Variants in MAGI2 observed in about 807,000 individuals in gnomAD.
MAGI2 encodes membrane-associated guanylate kinase, WW and PDZ domain-containing protein 2.
A neutral mutation model predicts 133.3 loss-of-function variants in MAGI2; 35 were observed. The observed-to-expected ratio is 0.26, with a 90% CI of 0.20 to 0.35. The LOEUF (loss-of-function observed/expected upper bound fraction) is 0.35. Among genes scored for constraint, MAGI2 ranks in the 10% least tolerant of loss-of-function variants. MAGI2 has a pLI of 1.00. For missense variants in MAGI2, 1,636 were observed against 1,863.4 expected (o/e 0.88, Z 2.25); for synonymous variants, 729 against 710.6 (o/e 1.03, Z -0.41).
chr7:79,367,875 A>ATATATATATATGTGTG (rs1342246318), intron 1 of MAGI2, among the ~76,000 whole-genome samples: 23 of 122,084 alleles, frequency 1.9e-4, no homozygotes, highest in African/African-American at 8.0e-4. Context: ...ATATATATAT[A>ATATATATATATGTGTG]TGTCATTGAC....
intron 3 of MAGI2, among the ~76,000 whole-genome samples, chr7:78,537,819 A>C (rs202161894): frequency 6.6e-6 from 1 of 150,710 alleles, no homozygotes; most frequent in South Asian, 2.1e-4. Context: ...GCTGATTTTT[A>C]TTTTGCTGTG....
At chr7:78,180,924 A>ATT (rs371615787) in intron 13 of MAGI2, among the ~76,000 whole-genome samples, 30 of 108,008 alleles carry the variant, frequency 2.8e-4, no homozygotes, top group African/African-American at 1.1e-3. Flanking sequence ...AGGCAGCAGT[A>ATT]TTTTTTTTTT....
At chr7:78,198,772 T>C (rs924367331) in intron 11 of MAGI2, among the ~76,000 whole-genome samples, 1 of 152,188 alleles carries the variant, frequency 6.6e-6, no homozygotes, top group Non-Finnish European at 1.5e-5. Flanking sequence ...GTTTTCTTAC[T>C]GTAGAAAGTG....
At position 79,292,770 on chromosome 7, in the gene MAGI2, C is replaced by CAAAAAAAAAAAAAAA. The variant is rs199933554; in HGVS notation, c.301+160235_301+160249dup. On this transcript the variant is annotated intron_variant, in intron 1 of 21. Transcript: ENST00000354212. ...TTTTGGACCACTTTGTCAATTTCTG[C>CAAAAAAAAAAAAAAA]AAAAAAAAAAAAAAAAAAAAAAAAA... is the stretch of plus-strand genomic sequence containing the variant. Among the ~76,000 whole-genome samples the CAAAAAAAAAAAAAAA allele has an allele frequency of 1.0e-4, 6 of 57,408 alleles. 3 individuals carry two copies. The highest frequency in any genetic ancestry group is 1.9e-4 in the Non-Finnish European group (6 of 31,354). The allele number at this position is 57,408 out of a possible 152,430, so 37.7% of individuals were successfully genotyped here. A position where few individuals can be genotyped will look rare whatever the true frequency, so the allele number is the denominator to read the frequency against.
intron 20 of MAGI2, among the ~76,000 whole-genome samples, chr7:78,082,703 T>C (rs1481492190): frequency 6.6e-6 from 1 of 152,040 alleles, no homozygotes; most frequent in East Asian, 1.9e-4. Context: ...CTGGTGGTGG[T>C]TAGGTAATGG....
chr7:78,281,840 A>G (rs1795624474), intron 9 of MAGI2, among the ~76,000 whole-genome samples: 1 of 148,410 alleles, frequency 6.7e-6, no homozygotes, highest in Non-Finnish European at 1.5e-5. Flanking sequence ...CTATCCTAAT[A>G]ACCTTATTTC....
At chr7:78,947,809 A>G (rs1418659941) in intron 2 of MAGI2, among the ~76,000 whole-genome samples, 1 of 152,020 alleles carries the variant, frequency 6.6e-6, no homozygotes, top group African/African-American at 2.4e-5. Context: ...TAATGGTAAC[A>G]TTTGTTTGTT....
At chr7:78,272,313 T>G (rs181804599) in intron 9 of MAGI2, among the ~76,000 whole-genome samples, 3 of 152,342 alleles carry the variant, frequency 2.0e-5, no homozygotes, top group Non-Finnish European at 4.4e-5. Context: ...AGAGACTGTT[T>G]ATGATTTCCG....
Position 79,097,394 on chromosome 7 carries a change from A to C in MAGI2, c.302-90188T>G, listed in dbSNP as rs190167824. The stretch of plus-strand genomic sequence containing the variant: ...GCCATTTTTTGCTGTTACTGAAACC[A>C]ACAGAGCTGGTGCTATAATGGGGGA... On this transcript the variant is annotated intron_variant, in intron 1 of 21. Transcript: ENST00000354212. Among the ~76,000 whole-genome samples, 364 of 152,334 alleles carry C rather than the reference A, an allele frequency of 2.4e-3. 1 individual carries two copies. Among genetic ancestry groups the C allele is most frequent in the African/African-American group, 7.8e-3 (325 of 41,572 alleles).
At chr7:78,290,917 T>G (rs899689429) in intron 9 of MAGI2, among the ~76,000 whole-genome samples, 49 of 152,240 alleles carry the variant, frequency 3.2e-4, no homozygotes, top group African/African-American at 1.2e-3. Context: ...TACCAGAATC[T>G]CTGGGATACA....
intron 2 of MAGI2, among the ~76,000 whole-genome samples, chr7:78,862,277 C>T (rs542335355): frequency 4.6e-5 from 7 of 152,266 alleles, no homozygotes; most frequent in African/African-American, 1.7e-4. Flanking sequence ...AGTTTAAACA[C>T]AAAGATGATC....
intron 2 of MAGI2, among the ~76,000 whole-genome samples, chr7:78,893,483 A>G (rs1206283894): frequency 3.3e-5 from 5 of 152,134 alleles, no homozygotes; most frequent in Non-Finnish European, 5.9e-5. Flanking sequence ...ACCAACCCAA[A>G]TGTCCAACAA....
chr7:79,413,598 G>C (rs1363603027), intron 1 of MAGI2: 2 of 152,136 alleles, frequency 1.3e-5, no homozygotes, highest in South Asian at 2.1e-4. Flanking sequence ...AATGAGAAAA[G>C]AGCCAACTGC....
In MAGI2 at chr7:79,024,029, C is replaced by T. The variant is rs538893250; in HGVS notation, c.302-16823G>A. Among the ~76,000 whole-genome samples the T allele has an allele frequency of 1.2e-4, 19 of 152,130 alleles. No homozygotes were observed. In the South Asian group the frequency reaches 3.7e-3, roughly 30 times the overall value. On this transcript the variant is annotated intron_variant, in intron 1 of 21. Transcript: ENST00000354212. The stretch of plus-strand genomic sequence containing the variant: ...CAAAAAGGATCTCCAATAGCCAAGG[C>T]AATTGTAAGCAAAAGAACAAAGCTG...
intron 2 of MAGI2, chr7:79,006,765 T>C (rs528725887): frequency 1.5e-5 from 3 of 202,254 alleles, no homozygotes; most frequent in African/African-American, 2.3e-5. Context: ...TGTCTCCCAA[T>C]GTGGAGTTCT....
chr7:78,903,172 C>CTTTTTTTTTTTTTTTT lies in MAGI2; in HGVS notation c.418+103902_418+103917dup, dbSNP rs10526268. Among the ~76,000 whole-genome samples the CTTTTTTTTTTTTTTTT allele has an allele frequency of 3.4e-4, 19 of 56,120 alleles. 5 individuals carry two copies. Among genetic ancestry groups the CTTTTTTTTTTTTTTTT allele is most frequent in the Non-Finnish European group, 5.8e-4 (18 of 30,844 alleles). The allele number at this position is 56,120 out of a possible 152,430, so 36.8% of individuals were successfully genotyped here. On this transcript the variant is annotated intron_variant, in intron 2 of 21. Coordinates refer to ENST00000354212, the MANE Select transcript of MAGI2 (RefSeq NM_012301.4). ...TTCATGCAAGTGGGAGTTCCTGAATCTTTTTTTTTTTTTTTTTTTTTTTTT... is the reference window on the plus strand; with the variant it reads ...TTCATGCAAGTGGGAGTTCCTGAATCTTTTTTTTTTTTTTTTTTTTTTTTTTTTTTTTTTTTTTTTT...
chr7:79,452,706 C>G (rs1231257279), intron 1 of MAGI2, among the ~76,000 whole-genome samples: 1 of 152,100 alleles, frequency 6.6e-6, no homozygotes, highest in African/African-American at 2.4e-5. Context: ...TCATCCGCTT[C>G]GGGTGATGCC....
chr7:78,305,140 T>C (rs1798149493), intron 9 of MAGI2, among the ~76,000 whole-genome samples: 1 of 152,236 alleles, frequency 6.6e-6, no homozygotes, highest in African/African-American at 2.4e-5. Context: ...TCATGCACTA[T>C]AGACAGACTT....
At chr7:79,221,118 T>C (rs1431974818) in intron 1 of MAGI2, among the ~76,000 whole-genome samples, 1 of 152,044 alleles carries the variant, frequency 6.6e-6, no homozygotes, top group Non-Finnish European at 1.5e-5. Context: ...CTTACCTGTC[T>C]AAGCATTAAA....
Sources: allele counts gnomAD v4.1 joint callset (sites outside exome capture counted in the v4.1 genomes callset), GRCh38; gene constraint gnomAD v4.1.1; transcripts MANE v1.5; gene names NCBI Gene and HGNC (gene_info 2026-07-23, HGNC 2026-07-21).